The following KCNIP4 variants were observed in gnomAD, a reference collection of about 807,000 sequenced individuals.
KCNIP4 encodes potassium voltage-gated channel interacting protein 4.
Under a neutral mutation model 34.0 loss-of-function variants are expected in KCNIP4, and 12 were observed. The ratio of observed to expected loss-of-function variants is 0.35; its 90% CI spans 0.23 to 0.57. KCNIP4 has a LOEUF of 0.57. Ranked by LOEUF, KCNIP4 falls within the 20% of genes least tolerant of loss-of-function variation. KCNIP4 has a pLI of 0.83. For missense variants in KCNIP4, 238 were observed against 311.7 expected (o/e 0.76, Z 1.78); for synonymous variants, 124 against 102.2 (o/e 1.21, Z -1.29).
intron 1 of KCNIP4, among the ~76,000 whole-genome samples, chr4:21,585,769 A>G (rs1741566082): frequency 6.6e-6 from 1 of 152,098 alleles, no homozygotes; most frequent in East Asian, 1.9e-4. Context: ...TTTATTGATT[A>G]TTATTTTCAT....
At chr4:21,774,492 G>A (rs1181924326) in intron 1 of KCNIP4, among the ~76,000 whole-genome samples, 3 of 152,160 alleles carry the variant, frequency 2.0e-5, no homozygotes, top group African/African-American at 7.2e-5. Context: ...TGTCTTGCTA[G>A]GTTGGGGAAG....
intron 1 of KCNIP4, among the ~76,000 whole-genome samples, chr4:21,234,505 A>T (rs1429289764): frequency 1.6e-5 from 2 of 124,068 alleles, no homozygotes; most frequent in African/African-American, 7.5e-5. Flanking sequence ...TATATATTAC[A>T]TATAACGTAT....
chr4:21,546,438 C>A lies in KCNIP4; in HGVS notation c.61+402133G>T, dbSNP rs552711426. Among the ~76,000 whole-genome samples, 90 of 152,072 alleles carry A rather than the reference C, an allele frequency of 5.9e-4. 1 individual carries two copies. The highest frequency in any genetic ancestry group is 2.1e-3 in the African/African-American group (89 of 41,484). On this transcript the variant is annotated intron_variant, in intron 1 of 8. Transcript: ENST00000382152. ...AAATAAATCAGAGATAGCAAGAGAC[C>A]AAGACAGATAGATGTAATTCGAAGA...
At chr4:21,942,758 TTGTTA>T (rs1730273817) in intron 1 of KCNIP4, among the ~76,000 whole-genome samples, 1 of 152,192 alleles carries the variant, frequency 6.6e-6, no homozygotes. Context: ...TTGTTTTGTT[TTGTTA>T]TGTTTTGTTT....
At chr4:21,099,080 C>G (rs7658908) in intron 1 of KCNIP4, among the ~76,000 whole-genome samples, 45,012 of 152,004 alleles carry the variant, frequency 0.3, 7,251 homozygotes, top group African/African-American at 0.43. Flanking sequence ...AAGATCTAGA[C>G]GCAGAAATAT....
At chr4:21,191,739 G>A (rs1001573398) in intron 1 of KCNIP4, among the ~76,000 whole-genome samples, 1 of 152,174 alleles carries the variant, frequency 6.6e-6, no homozygotes, top group African/African-American at 2.4e-5. Context: ...TTTAAGAAAG[G>A]CTGAGTTATT....
intron 1 of KCNIP4, among the ~76,000 whole-genome samples, chr4:21,068,123 G>A (rs554989386): frequency 6.6e-6 from 1 of 152,194 alleles, no homozygotes; most frequent in South Asian, 2.1e-4. Context: ...TGATCACAAT[G>A]CTCCAAGGGT....
intron 1 of KCNIP4, among the ~76,000 whole-genome samples, chr4:21,469,830 T>A (rs1730311036): frequency 6.6e-6 from 1 of 152,038 alleles, no homozygotes; most frequent in Non-Finnish European, 1.5e-5. Context: ...AAAGGGCAGG[T>A]GTTGATGGTA....
chr4:20,970,132 G>A (rs771919375), intron 1 of KCNIP4, among the ~76,000 whole-genome samples: 3 of 151,896 alleles, frequency 2.0e-5, no homozygotes, highest in South Asian at 2.1e-4. Context: ...TAGTAAATAC[G>A]GGGTTTCACC....
intron 1 of KCNIP4, among the ~76,000 whole-genome samples, chr4:21,417,817 G>A (rs955981480): frequency 6.6e-6 from 1 of 152,160 alleles, no homozygotes; most frequent in Non-Finnish European, 1.5e-5. Flanking sequence ...TAGATCTTGG[G>A]ACATCAGCTA....
intron 1 of KCNIP4, among the ~76,000 whole-genome samples, chr4:20,896,454 G>T (rs1252834787): frequency 1.3e-5 from 2 of 152,148 alleles, no homozygotes; most frequent in Admixed American, 1.3e-4. Flanking sequence ...GGTTTAGGGT[G>T]GGCCCTATAG....
At chr4:21,870,216 C>T (rs1481072535) in intron 1 of KCNIP4, among the ~76,000 whole-genome samples, 1 of 152,132 alleles carries the variant, frequency 6.6e-6, no homozygotes. Flanking sequence ...TACCACCAGA[C>T]CGCCAGATGG....
At chr4:21,911,221 G>T (rs1157427995) in intron 1 of KCNIP4, among the ~76,000 whole-genome samples, 1 of 152,032 alleles carries the variant, frequency 6.6e-6, no homozygotes, top group Middle Eastern at 3.2e-3. Context: ...AAGATGGAAG[G>T]TTTATAAAAA....
intron 1 of KCNIP4, among the ~76,000 whole-genome samples, chr4:21,829,181 A>G (rs937413848): frequency 6.6e-6 from 1 of 152,082 alleles, no homozygotes; most frequent in Non-Finnish European, 1.5e-5. Flanking sequence ...ATTGATTTCA[A>G]TAGAAACCAT....
intron 1 of KCNIP4, among the ~76,000 whole-genome samples, chr4:21,508,814 T>C (rs1419608001): frequency 6.6e-6 from 1 of 152,208 alleles, no homozygotes; most frequent in Non-Finnish European, 1.5e-5. Context: ...AATGCATTGT[T>C]GTGAGCTGAT....
chr4:21,365,435 A>G (rs1424207250), intron 1 of KCNIP4, among the ~76,000 whole-genome samples: 5 of 151,582 alleles, frequency 3.3e-5, no homozygotes, highest in Non-Finnish European at 7.4e-5. Flanking sequence ...CCAAGATCAC[A>G]CCACTGCACT....
intron 1 of KCNIP4, among the ~76,000 whole-genome samples, chr4:21,221,698 G>C (rs892980606): frequency 6.6e-6 from 1 of 152,042 alleles, no homozygotes; most frequent in African/African-American, 2.4e-5. Context: ...GCATCATTTT[G>C]GCAACTCCAC....
intron 1 of KCNIP4, among the ~76,000 whole-genome samples, chr4:20,953,061 G>A (rs1732942195): frequency 6.6e-6 from 1 of 152,184 alleles, no homozygotes; most frequent in Non-Finnish European, 1.5e-5. Flanking sequence ...ATCATTTTGA[G>A]AATTAAAGTT....
At chr4:21,121,837 T>C (rs1350867941) in intron 1 of KCNIP4, among the ~76,000 whole-genome samples, 1 of 152,200 alleles carries the variant, frequency 6.6e-6, no homozygotes, top group Non-Finnish European at 1.5e-5. Flanking sequence ...AAAGCCTGAT[T>C]GTAAGTCCAA....
Sources: allele counts gnomAD v4.1 joint callset (sites outside exome capture counted in the v4.1 genomes callset), GRCh38; gene constraint gnomAD v4.1.1; transcripts MANE v1.5; gene names NCBI Gene and HGNC (gene_info 2026-07-23, HGNC 2026-07-21).